CCDC148: variants seen among roughly 807,000 people sequenced by gnomAD.
The protein encoded by CCDC148 is coiled-coil domain containing 148.
A neutral mutation model predicts 85.7 loss-of-function variants in CCDC148; 89 were observed. That is an observed-to-expected ratio of 1.04 (90% CI 0.87 to 1.24). The LOEUF (loss-of-function observed/expected upper bound fraction) is 1.24, where lower values mean the gene tolerates loss of function less well. Among genes scored for constraint, CCDC148 ranks in the 50% most tolerant of loss-of-function variants. CCDC148 has a pLI of 0.00. For missense variants in CCDC148, 692 were observed against 671.7 expected (o/e 1.03, Z -0.33); for synonymous variants, 230 against 213.9 (o/e 1.08, Z -0.66).
intron 9 of CCDC148, among the ~76,000 whole-genome samples, chr2:158,261,306 G>A (rs1295083682): frequency 1.3e-5 from 2 of 151,984 alleles, no homozygotes. Flanking sequence ...TGGGATAACT[G>A]GCTAGCCATA....
At chr2:158,347,803 T>C (rs909790724) in intron 2 of CCDC148, among the ~76,000 whole-genome samples, 20 of 152,116 alleles carry the variant, frequency 1.3e-4, no homozygotes, top group African/African-American at 4.3e-4. Context: ...ACTGGTTACA[T>C]GTATGTATAT....
intron 9 of CCDC148, among the ~76,000 whole-genome samples, chr2:158,308,837 C>CT (rs1691822059): frequency 6.6e-6 from 1 of 152,196 alleles, no homozygotes; most frequent in Non-Finnish European, 1.5e-5. Flanking sequence ...CTATTTCCCT[C>CT]TGAGCATTGC....
chr2:158,270,616 C>T (rs1393384799), intron 9 of CCDC148, among the ~76,000 whole-genome samples: 1 of 152,160 alleles, frequency 6.6e-6, no homozygotes, highest in Non-Finnish European at 1.5e-5. Context: ...CACCACTTGC[C>T]ATGGCTGTCC....
intron 1 of CCDC148, among the ~76,000 whole-genome samples, chr2:158,447,856 AC>A (rs1688225729): frequency 6.6e-6 from 1 of 152,096 alleles, no homozygotes; most frequent in Admixed American, 6.6e-5. Context: ...TCACTTTCTT[AC>A]CAGTATCTTT....
chr2:158,439,744 T>C (rs144432239), intron 1 of CCDC148, among the ~76,000 whole-genome samples: 392 of 152,264 alleles, frequency 2.6e-3, no homozygotes, highest in Non-Finnish European at 4.3e-3. Context: ...ATAGAAGATA[T>C]AGTAATGCTC....
At chr2:158,408,618 C>T (rs1686126600) in intron 1 of CCDC148, among the ~76,000 whole-genome samples, 1 of 152,040 alleles carries the variant, frequency 6.6e-6, no homozygotes. Flanking sequence ...CACAGACACA[C>T]ATATATATAC....
intron 10 of CCDC148, among the ~76,000 whole-genome samples, chr2:158,238,417 C>T (rs76622983): frequency 0.022 from 3,340 of 152,186 alleles, 65 homozygotes; most frequent in Non-Finnish European, 0.035. Context: ...AAATTCTCTT[C>T]TTGTGAAATA....
intron 9 of CCDC148, among the ~76,000 whole-genome samples, chr2:158,275,485 C>T (rs1240890186): frequency 3.9e-5 from 6 of 152,074 alleles, no homozygotes. Context: ...TTTCCTTTCT[C>T]AAAAAATAAA....
intron 9 of CCDC148, among the ~76,000 whole-genome samples, chr2:158,273,407 T>C (rs1306806341): frequency 6.6e-6 from 1 of 152,174 alleles, no homozygotes; most frequent in Admixed American, 6.5e-5. Context: ...TGCCTCCTCA[T>C]GCTTACCTCC....
At chr2:158,425,655 A>G (rs559466325) in intron 1 of CCDC148, among the ~76,000 whole-genome samples, 2 of 152,292 alleles carry the variant, frequency 1.3e-5, no homozygotes, top group Non-Finnish European at 2.9e-5. Flanking sequence ...ATTAAGGCAC[A>G]GTTTGTTGTG....
At chr2:158,437,993 G>C (rs1687744484) in intron 1 of CCDC148, among the ~76,000 whole-genome samples, 1 of 152,112 alleles carries the variant, frequency 6.6e-6, no homozygotes. Flanking sequence ...ACAAATGGAA[G>C]AACATTCCAT....
At chr2:158,214,385 A>G (rs1686741910) in intron 11 of CCDC148, among the ~76,000 whole-genome samples, 1 of 152,202 alleles carries the variant, frequency 6.6e-6, no homozygotes, top group African/African-American at 2.4e-5. Context: ...TGAAATGAAA[A>G]CTACTAGAAA....
chr2:158,429,038 G>A (rs1278218380), intron 1 of CCDC148, among the ~76,000 whole-genome samples: 6 of 151,900 alleles, frequency 3.9e-5, no homozygotes, highest in South Asian at 2.1e-4. Context: ...TCACAAGGAC[G>A]GGAAACCAAA....
At position 158,190,397 on chromosome 2, in the gene CCDC148, G is replaced by T. The variant is rs147247278; in HGVS notation, c.1371-11401C>A. Reference sequence around the variant, plus strand: ...CACATTTATACAAAGTGCCATATATGTAAATGTATAACAATCATATTTCTG... The same window carrying T: ...CACATTTATACAAAGTGCCATATATTTAAATGTATAACAATCATATTTCTG... On this transcript the variant is annotated intron_variant, in intron 11 of 13. Transcript: ENST00000283233. Among the ~76,000 whole-genome samples, 945 of 152,036 alleles carry T rather than the reference G, an allele frequency of 6.2e-3. 2 individuals carry two copies. Among genetic ancestry groups the T allele is most frequent in the Non-Finnish European group, 0.011 (721 of 67,910 alleles).
chr2:158,227,428 ACTTT>A (rs1687605892), intron 10 of CCDC148, among the ~76,000 whole-genome samples: 1 of 152,124 alleles, frequency 6.6e-6, no homozygotes, highest in Non-Finnish European at 1.5e-5. Context: ...GCTACCAATG[ACTTT>A]CTTCACAGAA....
At chr2:158,303,696 C>T (rs1691553117) in intron 9 of CCDC148, among the ~76,000 whole-genome samples, 1 of 152,146 alleles carries the variant, frequency 6.6e-6, no homozygotes, top group Non-Finnish European at 1.5e-5. Context: ...TGATTTCCCC[C>T]ACTGTCTGCC....
chr2:158,173,159 A>G (rs1359750383), intron 13 of CCDC148, among the ~76,000 whole-genome samples: 1 of 152,024 alleles, frequency 6.6e-6, no homozygotes, highest in Non-Finnish European at 1.5e-5. Context: ...AAGATGAGCA[A>G]TTGAACTACC....
At chr2:158,274,042 G>C (rs1689814216) in intron 9 of CCDC148, among the ~76,000 whole-genome samples, 1 of 152,160 alleles carries the variant, frequency 6.6e-6, no homozygotes, top group African/African-American at 2.4e-5. Context: ...CCAACATATA[G>C]ATGACCCCAT....
chr2:158,322,868 T>C (rs1692583804), intron 7 of CCDC148, among the ~76,000 whole-genome samples: 2 of 152,150 alleles, frequency 1.3e-5, no homozygotes, highest in South Asian at 4.1e-4. Flanking sequence ...CATTATAAAA[T>C]TTAATATACC....
Sources: gnomAD v4.1 joint callset for allele counts (sites outside exome capture counted in the v4.1 genomes callset) on GRCh38, gnomAD v4.1.1 for gene constraint, MANE v1.5 for transcripts, NCBI Gene and HGNC (gene_info 2026-07-23, HGNC 2026-07-21) for gene names.